Variants in ANXA9 observed in about 807,000 individuals in gnomAD.
ANXA9 encodes the protein annexin A9.
ANXA9 carries 47 observed loss-of-function variants against 51.8 expected under a neutral mutation model. The observed-to-expected ratio is 0.91, with a 90% CI of 0.72 to 1.16. The LOEUF is 1.16. Among genes scored for constraint, ANXA9 ranks in the 50% most tolerant of loss-of-function variants. The probability of loss-of-function intolerance (pLI) is 0.00; values close to 1 mark genes in which losing one functional copy is unlikely to be tolerated. For missense variants in ANXA9, 361 were observed against 424.7 expected (o/e 0.85, Z 1.32); for synonymous variants, 154 against 168.7 (o/e 0.91, Z 0.68).
At position 150,992,340 on chromosome 1, in the gene ANXA9, A is replaced by G. The variant is rs1016982529; in HGVS notation, c.853-2237A>G. 9.9e-5 allele frequency among the ~76,000 whole-genome samples: 15 copies of G among 152,212 alleles called. 1 individual carries two copies. In the Middle Eastern group the frequency reaches 0.01, roughly 104 times the overall value. On this transcript the variant is annotated intron_variant, in intron 12 of 13. Transcript: ENST00000368947. ...CAAGGCAGGTGAATCACCCGAGGTCAGGAGTTCGAGACCAGACTGACCAAC... is the reference window on the plus strand; with the variant it reads ...CAAGGCAGGTGAATCACCCGAGGTCGGGAGTTCGAGACCAGACTGACCAAC...
rs903764726 is a variant in ANXA9 at position 150,982,540 on chromosome 1, G to A, written c.-60G>A. 6.5e-6 allele frequency: 1 copy of A among 152,846 alleles called. No individual in the cohort carries two copies. The highest frequency in any genetic ancestry group is 2.4e-5 in the African/African-American group (1 of 41,480). The allele number at this position is 152,846 out of a possible 1,614,324, so 9.5% of individuals were successfully genotyped here. On this transcript the variant is annotated 5_prime_UTR_variant, in exon 2 of 14. Transcript: ENST00000368947. The stretch of plus-strand genomic sequence containing the variant: ...TCACATCAGCTAAGAGATTGCACCT[G>A]CTGACCTAGAGATTCCGGCCTGTGC...
intron 12 of ANXA9, among the ~76,000 whole-genome samples, chr1:150,991,079 C>G (rs1671686085): frequency 6.7e-6 from 1 of 148,638 alleles, no homozygotes; most frequent in African/African-American, 2.5e-5. Context: ...GGAGGCGGAG[C>G]TTGCAGTGAG....
chr1:150,979,872 A>C (rs979374062), upstream of ANXA9, among the ~76,000 whole-genome samples: 7 of 152,348 alleles, frequency 4.6e-5, no homozygotes, highest in African/African-American at 1.4e-4. Context: ...TATGCACTGT[A>C]GTTATTTAAT....
chr1:150,993,498 G>A (rs1671755085), intron 12 of ANXA9, among the ~76,000 whole-genome samples: 1 of 150,978 alleles, frequency 6.6e-6, no homozygotes, highest in Admixed American at 6.6e-5. Context: ...TAATAGAGAC[G>A]GGGGTTTCAC....
chr1:150,987,752 C>G, intron 9 of ANXA9, 120 bp from the exon 10 acceptor site: 1 of 786,746 alleles, frequency 1.3e-6, no homozygotes, highest in Non-Finnish European at 2.0e-6. Flanking sequence ...AAATCCTTTT[C>G]CACCCTCAAT....
intron 11 of ANXA9, 30 bp from the exon 12 acceptor site, chr1:150,988,253 G>C: frequency 6.2e-7 from 1 of 1,614,186 alleles, no homozygotes; most frequent in Non-Finnish European, 8.5e-7. Flanking sequence ...TCCTAGTTGT[G>C]AACCTCCATC....
At chr1:150,980,565 C>T (rs1025383789), upstream of ANXA9, among the ~76,000 whole-genome samples, 5 of 147,396 alleles carry the variant, frequency 3.4e-5, no homozygotes, top group Non-Finnish European at 7.4e-5. Context: ...TGCAATTACA[C>T]AGATTACTTT....
Position 150,986,328 on chromosome 1 carries a change from C to T in ANXA9, c.473-8C>T. ...GGAGGATTCAGAGAGCTCCTCACCC[C>T]ACCCCAGATTTCCAGGTGGAGGCTG... On this transcript the variant is annotated splice_region_variant and splice_polypyrimidine_tract_variant and intron_variant, in intron 7 of 13. Coordinates refer to ENST00000368947, the MANE Select transcript of ANXA9 (RefSeq NM_003568.3). 1 of 1,613,854 alleles carries T rather than the reference C, an allele frequency of 6.2e-7. No individual in the cohort carries two copies. Among genetic ancestry groups the T allele is most frequent in the African/African-American group, 1.3e-5 (1 of 75,044 alleles).
Position 150,993,637 on chromosome 1 carries a change from T to C in ANXA9, c.853-940T>C, listed in dbSNP as rs587701504. On this transcript the variant is annotated intron_variant, in intron 12 of 13. Coordinates refer to ENST00000368947, the MANE Select transcript of ANXA9 (RefSeq NM_003568.3). ...TTATTTCTTTTTTCTTTCTTTCTTT[T>C]TTTTTTTTTTTTTTGAGACGGAGTT... Among the ~76,000 whole-genome samples the C allele has an allele frequency of 2.7e-3, 386 of 142,170 alleles. 1 individual carries two copies. The highest frequency in any genetic ancestry group is 7.8e-3 in the Middle Eastern group (2 of 256). 93.3% of individuals were successfully genotyped at this position (142,170 alleles called of 152,430 possible). A position where few individuals can be genotyped will look rare whatever the true frequency, so the allele number is the denominator to read the frequency against.
chr1:150,995,153 C>A, intron 13 of ANXA9, 107 bp from the exon 14 acceptor site: 1 of 1,147,948 alleles, frequency 8.7e-7, no homozygotes, highest in Non-Finnish European at 1.2e-6. Context: ...CCCGGGAGGA[C>A]CCTTCCCTCC....
Position 150,994,676 on chromosome 1 carries a change from A to G in ANXA9, c.952A>G (p.Lys318Glu), listed in dbSNP as rs746823955. 1 of 1,614,046 alleles carries G rather than the reference A, an allele frequency of 6.2e-7. No homozygotes were observed. The highest frequency in any genetic ancestry group is 1.7e-5 in the Admixed American group (1 of 60,018). The part of the protein sequence containing the change: ...IRAEFRKKFG[K>E]SLYSSLQDAV... ...AGCTGAGTTCAGGAAGAAATTTGGG[A>G]AGTCCCTCTACTCTTCTCTCCAGGT... Residue 318 changes from lysine to glutamate, a missense_variant, in exon 13 of 14, where the codon AAG becomes GAG. Lys to Glu is a moderately conservative substitution (Grantham distance 56). Transcript: ENST00000368947.
chr1:150,984,217 C>G, intron 5 of ANXA9, 64 bp from the exon 6 acceptor site: 1 of 1,558,620 alleles, frequency 6.4e-7, no homozygotes. Context: ...TCCCAAACCT[C>G]CCCACACTTC....
intron 12 of ANXA9, among the ~76,000 whole-genome samples, chr1:150,993,855 G>A (rs74964858): frequency 0.13 from 19,934 of 150,818 alleles, 1,785 homozygotes; most frequent in African/African-American, 0.25. Context: ...GGCTGGTCTC[G>A]AACTCCTACC....
chr1:150,985,366 A>G (rs587595730), intron 7 of ANXA9, among the ~76,000 whole-genome samples: 1 of 152,174 alleles, frequency 6.6e-6, no homozygotes, highest in Non-Finnish European at 1.5e-5. Context: ...GAACCCAGCC[A>G]TGCTGCAGCC....
intron 6 of ANXA9, 88 bp downstream of exon 6, chr1:150,984,482 C>A: frequency 6.5e-7 from 1 of 1,530,568 alleles, no homozygotes; most frequent in Non-Finnish European, 9.0e-7. Flanking sequence ...CCCCTCTCGT[C>A]GTCCCATATT....
At chr1:150,989,629 T>C (rs1273278715) in intron 12 of ANXA9, among the ~76,000 whole-genome samples, 2 of 151,922 alleles carry the variant, frequency 1.3e-5, no homozygotes, top group East Asian at 3.9e-4. Context: ...AGGCGGAGGT[T>C]GTAGTGAACC....
At position 150,986,599 on chromosome 1, in the gene ANXA9, T is replaced by C. The variant is rs1224476184; in HGVS notation, c.553-3T>C. The stretch of plus-strand genomic sequence containing the variant: ...GCCCTCTAAGAACAGTTTCTCCTCC[T>C]AGGGGGGCCGTGACAGCTACTCTGG... On this transcript the variant is annotated splice_polypyrimidine_tract_variant and splice_region_variant and intron_variant, in intron 8 of 13. Coordinates refer to ENST00000368947, the MANE Select transcript of ANXA9 (RefSeq NM_003568.3). The C allele has an allele frequency of 6.2e-7, 1 of 1,607,806 alleles. No homozygotes were observed.
chr1:150,986,794 A>T, intron 9 of ANXA9, 133 bp downstream of exon 9: 1 of 881,210 alleles, frequency 1.1e-6, no homozygotes, highest in South Asian at 1.9e-5. Flanking sequence ...GGGAGTTCTC[A>T]GTTATGTGGT....
upstream of ANXA9, among the ~76,000 whole-genome samples, chr1:150,977,774 G>A (rs1392522042): frequency 1.3e-5 from 2 of 152,370 alleles, no homozygotes; most frequent in African/African-American, 4.8e-5. Flanking sequence ...TTTCCTAACA[G>A]AGAGGTAAAA....
Sources: allele counts gnomAD v4.1 joint callset (sites outside exome capture counted in the v4.1 genomes callset), GRCh38; gene constraint gnomAD v4.1.1; transcripts MANE v1.5; gene names NCBI Gene and HGNC (gene_info 2026-07-23, HGNC 2026-07-21).